Variants in OTUD7A observed in about 807,000 individuals in gnomAD.
OTUD7A encodes OTU deubiquitinase 7A.
A neutral mutation model predicts 65.7 loss-of-function variants in OTUD7A; 12 were observed. The ratio of observed to expected loss-of-function variants is 0.18; its 90% CI spans 0.12 to 0.30. OTUD7A has a LOEUF of 0.30. OTUD7A is among the 10% of genes least tolerant of loss of function. The pLI, the probability that OTUD7A is intolerant of heterozygous loss-of-function variation, is 1.00. For missense variants in OTUD7A, 1,148 were observed against 1,304.8 expected (o/e 0.88, Z 1.85); for synonymous variants, 641 against 586.3 (o/e 1.09, Z -1.35).
intron 1 of OTUD7A, among the ~76,000 whole-genome samples, chr15:31,714,236 C>A (rs1161111392): frequency 6.6e-6 from 1 of 151,954 alleles, no homozygotes; most frequent in Non-Finnish European, 1.5e-5. Context: ...ATCCACTGGA[C>A]AATTGGAATA....
At chr15:31,846,564 G>A (rs985183685) in intron 1 of OTUD7A, among the ~76,000 whole-genome samples, 1 of 152,096 alleles carries the variant, frequency 6.6e-6, no homozygotes, top group Non-Finnish European at 1.5e-5. Flanking sequence ...GGCTGCACTG[G>A]CAAGATTCAT....
chr15:31,731,252 A>G (rs1289102029), intron 1 of OTUD7A, among the ~76,000 whole-genome samples: 1 of 152,212 alleles, frequency 6.6e-6, no homozygotes, highest in East Asian at 1.9e-4. Flanking sequence ...GCATTCTAAA[A>G]GAGTAAGATA....
chr15:31,677,639 A>G (rs1892623696), intron 1 of OTUD7A, among the ~76,000 whole-genome samples: 2 of 152,174 alleles, frequency 1.3e-5, no homozygotes, highest in Admixed American at 1.3e-4. Flanking sequence ...TAAAGAAGGT[A>G]TCTTGCTTCC....
At chr15:31,581,879 T>A (rs1011429993) in intron 3 of OTUD7A, among the ~76,000 whole-genome samples, 2 of 152,224 alleles carry the variant, frequency 1.3e-5, no homozygotes, top group Admixed American at 1.3e-4. Flanking sequence ...CTGGCTTGAG[T>A]TTCCCCCCAG....
chr15:31,571,008 T>C (rs569085203), intron 3 of OTUD7A, among the ~76,000 whole-genome samples: 15 of 152,296 alleles, frequency 9.8e-5, no homozygotes, highest in African/African-American at 3.4e-4. Context: ...AATGTATATT[T>C]CAAAATAACT....
At position 31,554,415 on chromosome 15, in the gene OTUD7A, G is replaced by A. The variant is rs145075057; in HGVS notation, c.550+4554C>T. ...CACATCTCTGACTTTCAGAGGGAAG[G>A]AAGTGAGGCTCCAGCCGGCCAAGTG... On this transcript the variant is annotated intron_variant, in intron 5 of 12. Coordinates refer to ENST00000307050, the MANE Select transcript of OTUD7A (RefSeq NM_001382637.1). Among the ~76,000 whole-genome samples the A allele has an allele frequency of 3.1e-3, 468 of 152,280 alleles. 5 individuals carry two copies. The highest frequency in any genetic ancestry group is 9.8e-3 in the African/African-American group (409 of 41,548).
At position 31,476,052 on chromosome 15, in the gene OTUD7A, C is replaced by T. The variant is rs965916510; in HGVS notation, c.*7242G>A. The stretch of plus-strand genomic sequence containing the variant: ...CTCAAAGGTGATGGTGAATGGAGTT[C>T]AAACTCCGTAGATGAGGCAGTAACA... On this transcript the variant is annotated 3_prime_UTR_variant, in exon 13 of 13. Coordinates refer to ENST00000307050, the MANE Select transcript of OTUD7A (RefSeq NM_001382637.1). 4 of 152,240 alleles carry T rather than the reference C, an allele frequency of 2.6e-5. No individual in the cohort carries two copies. The highest frequency in any genetic ancestry group is 9.6e-5 in the African/African-American group (4 of 41,462). The allele number at this position is 152,240 out of a possible 1,614,324, so 9.4% of individuals were successfully genotyped here. A position where few individuals can be genotyped will look rare whatever the true frequency, so the allele number is the denominator to read the frequency against.
chr15:31,721,904 T>G (rs1397947098), intron 1 of OTUD7A, among the ~76,000 whole-genome samples: 4 of 152,256 alleles, frequency 2.6e-5, no homozygotes, highest in Non-Finnish European at 5.9e-5. Context: ...ATCTTTTTAC[T>G]GAATTCCCGA....
At chr15:31,628,647 G>A (rs1286864548) in intron 3 of OTUD7A, among the ~76,000 whole-genome samples, 1 of 152,170 alleles carries the variant, frequency 6.6e-6, no homozygotes, top group Non-Finnish European at 1.5e-5. Flanking sequence ...TTGGTAGCTT[G>A]ATGGGGATGG....
intron 12 of OTUD7A, among the ~76,000 whole-genome samples, chr15:31,485,525 G>A (rs533234834): frequency 1.1e-3 from 160 of 152,204 alleles, no homozygotes; most frequent in African/African-American, 3.7e-3. Flanking sequence ...ACCCACTGAT[G>A]AGGTCAACCA....
At chr15:31,767,303 T>C in intron 1 of OTUD7A, 1 of 811,452 alleles carries the variant, frequency 1.2e-6, no homozygotes, top group East Asian at 2.4e-5. Flanking sequence ...AAAATGAAGA[T>C]GCAACCAAAA....
intron 1 of OTUD7A, among the ~76,000 whole-genome samples, chr15:31,828,012 G>T (rs562981637): frequency 4.6e-5 from 7 of 151,974 alleles, no homozygotes; most frequent in Non-Finnish European, 8.8e-5. Flanking sequence ...CATGGTGTTT[G>T]CATTGTCAAG....
intron 3 of OTUD7A, among the ~76,000 whole-genome samples, chr15:31,597,487 T>A (rs547269573): frequency 6.6e-6 from 1 of 151,998 alleles, no homozygotes; most frequent in Admixed American, 6.5e-5. Context: ...TTTTTTTTTT[T>A]AACATACCAT....
chr15:31,761,666 C>T (rs1894967343), intron 1 of OTUD7A, among the ~76,000 whole-genome samples: 1 of 152,156 alleles, frequency 6.6e-6, no homozygotes, highest in Non-Finnish European at 1.5e-5. Flanking sequence ...ACATTCTACT[C>T]CTAGGTATAT....
At chr15:31,768,218 G>A (rs551293842) in intron 1 of OTUD7A, 150 of 1,008,620 alleles carry the variant, frequency 1.5e-4, no homozygotes, top group Admixed American at 8.1e-4. Context: ...GTCAGCGTCC[G>A]GTGGCATCCA....
intron 3 of OTUD7A, among the ~76,000 whole-genome samples, chr15:31,621,290 C>T (rs1821439546): frequency 6.6e-6 from 1 of 152,108 alleles, no homozygotes; most frequent in South Asian, 2.1e-4. Flanking sequence ...GGTCTGCCTG[C>T]TGCAGAGCTG....
intron 1 of OTUD7A, among the ~76,000 whole-genome samples, chr15:31,659,041 G>GAATAAATAAATA (rs199748846): frequency 4.8e-5 from 6 of 125,504 alleles, no homozygotes; most frequent in Non-Finnish European, 4.9e-5. Context: ...ATGAATGAAT[G>GAATAAATAAATA]AATAAATAAA....
intron 8 of OTUD7A, among the ~76,000 whole-genome samples, chr15:31,505,458 T>G (rs2041545353): frequency 6.6e-6 from 1 of 152,174 alleles, no homozygotes; most frequent in Non-Finnish European, 1.5e-5. Flanking sequence ...TTTGAATAAA[T>G]TTTGCTTCTA....
chr15:31,616,066 T>C (rs1890576078), intron 3 of OTUD7A, among the ~76,000 whole-genome samples: 1 of 152,154 alleles, frequency 6.6e-6, no homozygotes. Flanking sequence ...AAAATAAAAC[T>C]GTAATAAAGC....
Sources: allele counts gnomAD v4.1 joint callset (sites outside exome capture counted in the v4.1 genomes callset), GRCh38; gene constraint gnomAD v4.1.1; transcripts MANE v1.5; gene names NCBI Gene and HGNC (gene_info 2026-07-23, HGNC 2026-07-21).